Variants in KMT2E observed in about 807,000 individuals in gnomAD.
KMT2E encodes lysine methyltransferase 2E (inactive).
KMT2E carries 30 observed loss-of-function variants against 184.6 expected under a neutral mutation model. That is an observed-to-expected ratio of 0.16 (90% CI 0.12 to 0.22). The LOEUF is 0.22. Ranked by LOEUF, KMT2E falls within the 10% of genes least tolerant of loss-of-function variation. The pLI is 1.00. For missense variants in KMT2E, 2,023 were observed against 2,237.4 expected, an observed-to-expected ratio of 0.90 and a Z score of 1.93; for synonymous variants, 815 against 776.5, an observed-to-expected ratio of 1.05 and a Z score of -0.82.
rs764341143 is a variant in KMT2E, at chr7:105,112,413, T to C, written c.4657T>C (p.Ser1553Pro). ...APPPPPPPPPSSSYYQNQQPS... is the reference protein window; with the variant it reads ...APPPPPPPPPPSSYYQNQQPS... Reference sequence around the variant, plus strand: ...ACCCCCTCCACCTCCTCCACCTCCTTCTTCGTCTTACTATCAAAACCAGCA... The same window carrying C: ...ACCCCCTCCACCTCCTCCACCTCCTCCTTCGTCTTACTATCAAAACCAGCA... The change falls in exon 27 of 27, where the codon TCT (serine) becomes CCT (proline). Residue 1553 changes from serine to proline, a missense_variant. By Grantham distance (74) the Ser-to-Pro change is moderately conservative (BLOSUM62 -1). This residue lies in a region of KMT2E where 1,108 missense variants were observed against 1,050.9 expected (regional missense o/e 1.05). Coordinates refer to ENST00000311117, the MANE Select transcript of KMT2E (RefSeq NM_182931.3). The C allele has an allele frequency of 2.3e-5, 37 of 1,611,398 alleles. No individual in the cohort carries two copies. Among genetic ancestry groups the C allele is most frequent in the Admixed American group, 3.3e-5 (2 of 59,874 alleles).
intron 5 of KMT2E, among the ~76,000 whole-genome samples, chr7:105,065,316 ATTTAG>A (rs1319460518): frequency 2.6e-5 from 4 of 152,092 alleles, no homozygotes; most frequent in Non-Finnish European, 4.4e-5. Context: ...TGCCCCACAA[ATTTAG>A]TTTAATTTGT....
Position 105,106,741 on chromosome 7 carries a change from C to G in KMT2E, c.2816C>G (p.Pro939Arg). ...TATTCACCAGTTACCCCAGTAACTC[C>G]TGGTACACCAGGAAATACCATGCAC... ...PIYSPVTPVT[P>R]GTPGNTMHFE... Residue 939 changes from proline (P) to arginine (R), a missense_variant, in exon 20 of 27, where the codon CCT becomes CGT. Pro to Arg is a moderately radical substitution (Grantham distance 103). Transcript: ENST00000311117. 1 of 1,613,694 alleles carries G rather than the reference C, an allele frequency of 6.2e-7. No individual in the cohort carries two copies. Among genetic ancestry groups the G allele is most frequent in the Non-Finnish European group, 8.5e-7 (1 of 1,179,680 alleles).
At chr7:105,101,743 A>C in intron 16 of KMT2E, 143 bp from the exon 17 acceptor site, 2 of 946,052 alleles carry the variant, frequency 2.1e-6, no homozygotes, top group Admixed American at 7.0e-5. Context: ...GAGATAAAAG[A>C]CTATATATTA....
At chr7:105,018,224 A>T (rs2129563810) in intron 1 of KMT2E, among the ~76,000 whole-genome samples, 1 of 152,298 alleles carries the variant, frequency 6.6e-6, no homozygotes, top group Non-Finnish European at 1.5e-5. Flanking sequence ...AGCTACTACT[A>T]CTGGGACTTA....
At chr7:105,063,657 GT>G in intron 5 of KMT2E, 77 bp downstream of exon 5, 1 of 995,164 alleles carries the variant, frequency 1.0e-6, no homozygotes, top group South Asian at 1.7e-5. Flanking sequence ...GATAACTAAA[GT>G]CACTTTCAAG....
intron 1 of KMT2E, among the ~76,000 whole-genome samples, chr7:105,037,034 G>A (rs1282893399): frequency 6.6e-6 from 1 of 151,956 alleles, no homozygotes; most frequent in African/African-American, 2.4e-5. Context: ...GACTAATAAG[G>A]GCTGTTTAAT....
At chr7:105,056,110 A>G (rs1444977054) in intron 3 of KMT2E, among the ~76,000 whole-genome samples, 1 of 152,164 alleles carries the variant, frequency 6.6e-6, no homozygotes, top group Non-Finnish European at 1.5e-5. Context: ...AGTGCTATCA[A>G]AGTGGTTTAA....
intron 3 of KMT2E, among the ~76,000 whole-genome samples, chr7:105,058,835 CT>C (rs772121010): frequency 4.1e-4 from 62 of 152,088 alleles, no homozygotes; most frequent in Non-Finnish European, 6.9e-4. Context: ...CAATGAATAT[CT>C]TTTGGGAAAT....
At chr7:105,047,501 A>C (rs1484951692) in intron 3 of KMT2E, among the ~76,000 whole-genome samples, 1 of 152,268 alleles carries the variant, frequency 6.6e-6, no homozygotes, top group East Asian at 1.9e-4. Flanking sequence ...GTCTGGTATC[A>C]GTAATTCTGT....
chr7:105,048,692 T>G (rs1227657473), intron 3 of KMT2E, among the ~76,000 whole-genome samples: 4 of 152,212 alleles, frequency 2.6e-5, no homozygotes, highest in African/African-American at 9.7e-5. Context: ...GAATAAATAT[T>G]TAAGACTTGC....
At chr7:105,086,189 T>C (rs1477551322) in intron 13 of KMT2E, among the ~76,000 whole-genome samples, 1 of 152,180 alleles carries the variant, frequency 6.6e-6, no homozygotes, top group Non-Finnish European at 1.5e-5. Flanking sequence ...TATTGACCTT[T>C]ATATTGACAA....
chr7:105,032,721 C>T (rs1434343580), intron 1 of KMT2E, among the ~76,000 whole-genome samples: 1 of 152,164 alleles, frequency 6.6e-6, no homozygotes, highest in African/African-American at 2.4e-5. Context: ...CCCAGGCTGG[C>T]CTCAAACTCC....
intron 26 of KMT2E, chr7:105,111,135 G>C: frequency 2.7e-6 from 1 of 369,002 alleles, no homozygotes; most frequent in East Asian, 4.9e-5. Flanking sequence ...CTCTATTCTA[G>C]TGGTGTCCAG....
intron 8 of KMT2E, among the ~76,000 whole-genome samples, chr7:105,075,188 CTTTT>C (rs34014525): frequency 7.1e-6 from 1 of 140,618 alleles, no homozygotes; most frequent in Admixed American, 7.2e-5. Flanking sequence ...TCTTTGCCTC[CTTTT>C]TTTTTTTTTT....
At chr7:105,082,849 A>G (rs937655708) in intron 13 of KMT2E, among the ~76,000 whole-genome samples, 2 of 152,234 alleles carry the variant, frequency 1.3e-5, no homozygotes, top group African/African-American at 2.4e-5. Flanking sequence ...CTTGAAAACA[A>G]TGGAGCCCTT....
In KMT2E at chr7:105,063,573, A is replaced by C. The variant is rs1396482647; in HGVS notation, c.409A>C (p.Lys137Gln). ...HDDGYMICCDKCSVWQHIDCM... is the reference protein window; with the variant it reads ...HDDGYMICCDQCSVWQHIDCM... ...TGATGGATACATGATCTGTTGTGAC[A>C]AATGCAGGTAAAATATTTTACACCA... Residue 137 changes from lysine (K) to glutamine (Q), a missense_variant, in exon 5 of 27, where the codon AAA becomes CAA. Coordinates refer to ENST00000311117, the MANE Select transcript of KMT2E (RefSeq NM_182931.3). 1 of 1,566,610 alleles carries C rather than the reference A, an allele frequency of 6.4e-7. No individual in the cohort carries two copies. Among genetic ancestry groups the C allele is most frequent in the Admixed American group, 1.9e-5 (1 of 53,390 alleles).
At chr7:105,068,729 C>G (rs777812356) in intron 6 of KMT2E, among the ~76,000 whole-genome samples, 10 of 150,928 alleles carry the variant, frequency 6.6e-5, no homozygotes, top group Non-Finnish European at 1.5e-4. Flanking sequence ...CCCACCTCGG[C>G]CTCCCAAAGT....
At chr7:105,014,697 A>G (rs1432750389) in intron 1 of KMT2E, among the ~76,000 whole-genome samples, 162 bp downstream of exon 1, 1 of 151,548 alleles carries the variant, frequency 6.6e-6, no homozygotes, top group African/African-American at 2.4e-5. Flanking sequence ...GCTTAAATCG[A>G]ATTTATTCTT....
intron 1 of KMT2E, among the ~76,000 whole-genome samples, chr7:105,032,242 G>A (rs1433230079): frequency 6.6e-6 from 1 of 151,744 alleles, no homozygotes; most frequent in African/African-American, 2.4e-5. Flanking sequence ...TCAGGAGTTC[G>A]AGACCAGCCT....
Sources: allele counts gnomAD v4.1 joint callset (sites outside exome capture counted in the v4.1 genomes callset), GRCh38; gene constraint gnomAD v4.1.1; regional missense constraint gnomAD v4.1.1; transcripts MANE v1.5; gene names NCBI Gene and HGNC (gene_info 2026-07-23, HGNC 2026-07-21).